CLINT1: variants seen among roughly 807,000 people sequenced by gnomAD.
The protein encoded by CLINT1 is clathrin interactor 1.
Under a neutral mutation model 70.4 loss-of-function variants are expected in CLINT1, and 15 were observed. The ratio of observed to expected loss-of-function variants is 0.21; its 90% CI spans 0.14 to 0.33. The LOEUF is 0.33. CLINT1 is among the 10% of genes least tolerant of loss of function. CLINT1 has a pLI of 1.00. For missense variants in CLINT1, 615 were observed against 778.1 expected, an observed-to-expected ratio of 0.79 and a Z score of 2.49; for synonymous variants, 227 against 254.7, an observed-to-expected ratio of 0.89 and a Z score of 1.04.
intron 1 of CLINT1, among the ~76,000 whole-genome samples, chr5:157,839,107 T>C (rs181525070): frequency 1.1e-3 from 167 of 152,248 alleles, no homozygotes; most frequent in African/African-American, 3.1e-3. Flanking sequence ...TGTATGCCTG[T>C]AGTCCCAGGT....
intron 1 of CLINT1, among the ~76,000 whole-genome samples, chr5:157,833,407 T>C (rs1345212940): frequency 6.6e-6 from 1 of 151,930 alleles, no homozygotes; most frequent in African/African-American, 2.4e-5. Context: ...AGGTCCTTCA[T>C]ATGAGATACC....
chr5:157,793,511 A>G (rs914533927), intron 9 of CLINT1, among the ~76,000 whole-genome samples: 8 of 152,196 alleles, frequency 5.3e-5, no homozygotes, highest in Admixed American at 3.3e-4. Flanking sequence ...GTCAGGTTAT[A>G]TTAATCACAT....
intron 1 of CLINT1, among the ~76,000 whole-genome samples, chr5:157,834,042 T>C (rs1167547993): frequency 6.6e-6 from 1 of 152,178 alleles, no homozygotes; most frequent in Non-Finnish European, 1.5e-5. Context: ...TCTTGCTCTC[T>C]TAAAGAGCTC....
At chr5:157,804,068 A>G (rs916071535) in intron 7 of CLINT1, among the ~76,000 whole-genome samples, 2 of 151,410 alleles carry the variant, frequency 1.3e-5, no homozygotes, top group African/African-American at 2.4e-5. Flanking sequence ...ATACCCTAGC[A>G]TATGTACCAG....
At chr5:157,821,510 A>G (rs192767836) in intron 1 of CLINT1, among the ~76,000 whole-genome samples, 96 of 152,338 alleles carry the variant, frequency 6.3e-4, no homozygotes, top group East Asian at 1.9e-4. Flanking sequence ...ACTAGTTTAA[A>G]TAGTATCTGT....
chr5:157,843,117 C>A (rs1753245812), intron 1 of CLINT1, among the ~76,000 whole-genome samples: 1 of 151,776 alleles, frequency 6.6e-6, no homozygotes, highest in Admixed American at 6.6e-5. Context: ...AAGATAGCCA[C>A]TAAAAAAATT....
intron 1 of CLINT1, among the ~76,000 whole-genome samples, chr5:157,843,713 T>C (rs1304331905): frequency 6.6e-6 from 1 of 152,214 alleles, no homozygotes; most frequent in Non-Finnish European, 1.5e-5. Context: ...AAGGCAATTT[T>C]ATGAAATGTA....
rs758738942 is a variant in CLINT1, at chr5:157,787,713, G to A, written c.1811C>T (p.Ala604Val). The change falls in exon 12 of 12, where the codon GCC becomes GTC. Residue 604 changes from alanine to valine, a missense_variant. Ala to Val is a moderately conservative substitution (Grantham distance 64). Transcript: ENST00000411809. ...GTMGMGMPNIAMTSGTVQPKQ... is the reference protein window; with the variant it reads ...GTMGMGMPNIVMTSGTVQPKQ... The stretch of plus-strand genomic sequence containing the variant: ...GGGTTGCACAGTTCCAGAAGTCATG[G>A]CTATGTTGGGCATGCCCATTCCCAT... 56 of 1,613,880 alleles carry A rather than the reference G, an allele frequency of 3.5e-5. No homozygotes were observed. Among genetic ancestry groups the A allele is most frequent in the Non-Finnish European group, 4.3e-5 (51 of 1,179,902 alleles).
chr5:157,807,000 GAGAA>G (rs1202801450), intron 6 of CLINT1, among the ~76,000 whole-genome samples: 1 of 151,996 alleles, frequency 6.6e-6, no homozygotes, highest in African/African-American at 2.4e-5. Context: ...GCGAAAGAGA[GAGAA>G]AGAGAGAAAT....
chr5:157,815,120 TACACAC>T (rs150242169), intron 3 of CLINT1, among the ~76,000 whole-genome samples: 95 of 142,196 alleles, frequency 6.7e-4, no homozygotes, highest in East Asian at 3.6e-3. Context: ...TCTTCACACA[TACACAC>T]ACACACACAC....
intron 1 of CLINT1, among the ~76,000 whole-genome samples, chr5:157,825,330 G>A (rs1763002682): frequency 6.6e-6 from 1 of 151,936 alleles, no homozygotes; most frequent in South Asian, 2.1e-4. Context: ...TCTAAATGCT[G>A]AAACACAAAA....
chr5:157,813,276 G>A (rs1762615710), intron 4 of CLINT1, 49 bp from the exon 5 acceptor site: 1 of 1,489,480 alleles, frequency 6.7e-7, no homozygotes, highest in Non-Finnish European at 9.0e-7. Context: ...CACTTAATAT[G>A]TATCAAGCTC....
chr5:157,803,780 AT>A, intron 7 of CLINT1, 61 bp from the exon 8 acceptor site: 1 of 1,207,796 alleles, frequency 8.3e-7, no homozygotes, highest in South Asian at 1.7e-5. Flanking sequence ...AATCAGCTCT[AT>A]CCATCTCTAA....
intron 1 of CLINT1, among the ~76,000 whole-genome samples, chr5:157,847,253 T>A (rs1354914349): frequency 2.6e-5 from 4 of 152,164 alleles, no homozygotes; most frequent in Non-Finnish European, 5.9e-5. Context: ...CCTGTAATCC[T>A]AGCACTTTGG....
chr5:157,801,221 G>A (rs1184701462), intron 8 of CLINT1, among the ~76,000 whole-genome samples: 1 of 152,096 alleles, frequency 6.6e-6, no homozygotes. Context: ...TCAGAAAGTA[G>A]GCTGGCCAGG....
At chr5:157,826,496 A>G (rs1439432436) in intron 1 of CLINT1, among the ~76,000 whole-genome samples, 1 of 148,622 alleles carries the variant, frequency 6.7e-6, no homozygotes, top group Non-Finnish European at 1.5e-5. Context: ...CTACCAGCAC[A>G]AGAGGCTGGC....
At chr5:157,855,268 C>G (rs1753722362) in intron 1 of CLINT1, among the ~76,000 whole-genome samples, 1 of 151,718 alleles carries the variant, frequency 6.6e-6, no homozygotes, top group African/African-American at 2.4e-5. Flanking sequence ...TTTGATCTAC[C>G]ACTACCATGT....
At chr5:157,790,407 A>C (rs1023904475) in intron 10 of CLINT1, 1 of 281,324 alleles carries the variant, frequency 3.6e-6, no homozygotes, top group Non-Finnish European at 6.9e-6. Context: ...TTCAGGAGAA[A>C]GAAGCAGAGG....
At chr5:157,829,656 T>A (rs1000567585) in intron 1 of CLINT1, among the ~76,000 whole-genome samples, 15 of 150,550 alleles carry the variant, frequency 1.0e-4, no homozygotes, top group African/African-American at 3.4e-4. Context: ...CCCAGGTACC[T>A]GGGACTATAG....
Sources: allele counts gnomAD v4.1 joint callset (sites outside exome capture counted in the v4.1 genomes callset), GRCh38; gene constraint gnomAD v4.1.1; transcripts MANE v1.5; gene names NCBI Gene and HGNC (gene_info 2026-07-23, HGNC 2026-07-21).